USH2A: variants seen among roughly 807,000 people sequenced by gnomAD.
The protein encoded by USH2A is usherin.
In USH2A, 443 loss-of-function variants were observed where a neutral mutation model predicts 538.9. The ratio of observed to expected loss-of-function variants is 0.82; its 90% confidence interval spans 0.76 to 0.89. The LOEUF (loss-of-function observed/expected upper bound fraction) is 0.89. Ranked by LOEUF, USH2A falls within the 40% of genes least tolerant of loss-of-function variation. The pLI, the probability that USH2A is intolerant of heterozygous loss-of-function variation, is 0.00. For missense variants in USH2A, 6,633 were observed against 6,324.8 expected, an observed-to-expected ratio of 1.05 and a Z score of -1.65; for synonymous variants, 2,413 against 2,273.5, an observed-to-expected ratio of 1.06 and a Z score of -1.75.
At chr1:215,924,802 T>C (rs1290036239) in intron 38 of USH2A, among the ~76,000 whole-genome samples, 1 of 152,110 alleles carries the variant, frequency 6.6e-6, no homozygotes, top group Non-Finnish European at 1.5e-5. Flanking sequence ...AGTCTCTCTC[T>C]CTTGCCCCAG....
Position 216,251,066 on chromosome 1 carries a change from C to A in USH2A, c.2004G>T (p.Val668=). The A allele has an allele frequency of 6.2e-7, 1 of 1,614,052 alleles. No homozygotes were observed. Among genetic ancestry groups the A allele is most frequent in the South Asian group, 1.1e-5 (1 of 91,078 alleles). ...GGCACTGATTGCACTGCCTGCCAGA[C>A]ACGTGTCTCTTACAATTACACTGTC... ...IGGQCNCKRH[V]SGRQCNQCQN... is the part of the protein sequence containing the mutation. Residue 668 remains valine (V), a synonymous_variant, in exon 12 of 72, where the codon GTG becomes GTT. Coordinates refer to ENST00000307340, the MANE Select transcript of USH2A (RefSeq NM_206933.4).
intron 4 of USH2A, among the ~76,000 whole-genome samples, chr1:216,333,757 A>C (rs2037915396): frequency 6.6e-6 from 1 of 152,082 alleles, no homozygotes; most frequent in Non-Finnish European, 1.5e-5. Context: ...AATAAGATTA[A>C]CCACAGATTT....
At chr1:215,788,386 T>C (rs1215938256) in intron 51 of USH2A, among the ~76,000 whole-genome samples, 1 of 152,120 alleles carries the variant, frequency 6.6e-6, no homozygotes, top group East Asian at 1.9e-4. Context: ...TGTGCAATTG[T>C]CCCCTCTTGC....
At chr1:215,871,685 A>G (rs904560259) in intron 43 of USH2A, among the ~76,000 whole-genome samples, 1 of 152,242 alleles carries the variant, frequency 6.6e-6, no homozygotes, top group South Asian at 2.1e-4. Flanking sequence ...GCCATAATGT[A>G]TATAAAATTT....
intron 49 of USH2A, among the ~76,000 whole-genome samples, chr1:215,803,501 A>G (rs1462549351): frequency 6.6e-6 from 1 of 152,202 alleles, no homozygotes; most frequent in East Asian, 1.9e-4. Context: ...AGACAAGTAG[A>G]GAGCCAAATC....
intron 21 of USH2A, among the ~76,000 whole-genome samples, chr1:216,123,852 T>G (rs2033187187): frequency 6.6e-6 from 1 of 152,190 alleles, no homozygotes; most frequent in Admixed American, 6.5e-5. Flanking sequence ...TTTTTCCTGC[T>G]GTTAGGACAT....
chr1:216,054,965 GTCC>G (rs1176504501), intron 30 of USH2A, among the ~76,000 whole-genome samples: 3 of 152,152 alleles, frequency 2.0e-5, no homozygotes, highest in African/African-American at 7.2e-5. Context: ...AAAGTCAGGG[GTCC>G]CCTTGTAAGG....
chr1:215,811,106 A>T (rs145076644), intron 49 of USH2A, among the ~76,000 whole-genome samples: 3 of 152,344 alleles, frequency 2.0e-5, no homozygotes, highest in African/African-American at 7.2e-5. Flanking sequence ...AACCAATTCC[A>T]TCTTGCTTCT....
At chr1:215,958,900 G>A (rs1667133623) in intron 37 of USH2A, among the ~76,000 whole-genome samples, 2 of 152,002 alleles carry the variant, frequency 1.3e-5, no homozygotes, top group Admixed American at 1.3e-4. Context: ...AAAAACATAT[G>A]CAGCCAAAAC....
At chr1:215,811,312 C>T (rs1365327172) in intron 49 of USH2A, among the ~76,000 whole-genome samples, 1 of 152,148 alleles carries the variant, frequency 6.6e-6, no homozygotes, top group African/African-American at 2.4e-5. Flanking sequence ...CACCAGAGGC[C>T]ACATGATTCC....
intron 64 of USH2A, among the ~76,000 whole-genome samples, chr1:215,669,480 T>C (rs971271258): frequency 6.6e-6 from 1 of 152,240 alleles, no homozygotes; most frequent in Non-Finnish European, 1.5e-5. Context: ...TGAAATAGGA[T>C]AAAATGTATA....
Position 216,305,936 on chromosome 1 carries a change from C to T in USH2A, c.1645-13566G>A, listed in dbSNP as rs183053112. The stretch of plus-strand genomic sequence containing the variant: ...TACCTGATGCTTTTGCCTCACAGCT[C>T]TTAAGATTCCTTCCTTCATCTTGAC... On this transcript the variant is annotated intron_variant, in intron 9 of 71. Transcript: ENST00000307340. 5.9e-5 allele frequency among the ~76,000 whole-genome samples: 9 copies of T among 152,260 alleles called. No individual in the cohort carries two copies. The East Asian group carries it at 1.7e-3, about 29-fold the overall frequency.
intron 27 of USH2A, among the ~76,000 whole-genome samples, chr1:216,076,248 A>G (rs538024467): frequency 6.6e-6 from 1 of 152,282 alleles, no homozygotes; most frequent in African/African-American, 2.4e-5. Context: ...CCATACGTCA[A>G]TATTTTTTCA....
chr1:216,412,776 T>C (rs1259261079), intron 3 of USH2A, among the ~76,000 whole-genome samples: 1 of 151,860 alleles, frequency 6.6e-6, no homozygotes, highest in African/African-American at 2.4e-5. Flanking sequence ...CCCATGTTCA[T>C]GGCAAGTTAT....
intron 65 of USH2A, 75 bp from the exon 66 acceptor site, chr1:215,648,841 C>T (rs1270966547): frequency 5.7e-6 from 8 of 1,399,662 alleles, no homozygotes; most frequent in Non-Finnish European, 8.1e-6. Flanking sequence ...TCCAAGATCC[C>T]ACCTCCTACA....
At chr1:216,091,795 C>T (rs1287648032) in intron 22 of USH2A, among the ~76,000 whole-genome samples, 1 of 152,168 alleles carries the variant, frequency 6.6e-6, no homozygotes, top group Non-Finnish European at 1.5e-5. Context: ...AAATTCTCTT[C>T]ATAATTCAAA....
At chr1:215,824,348 G>A (rs922126405) in intron 47 of USH2A, among the ~76,000 whole-genome samples, 2 of 151,868 alleles carry the variant, frequency 1.3e-5, no homozygotes, top group African/African-American at 2.4e-5. Flanking sequence ...TAATTTTTCT[G>A]TTCATTTTCT....
chr1:215,793,627 C>G (rs72742732), intron 50 of USH2A, among the ~76,000 whole-genome samples: 35 of 152,146 alleles, frequency 2.3e-4, no homozygotes, highest in South Asian at 1.7e-3. Context: ...TTCAATGCCA[C>G]CCTTACACCA....
chr1:216,195,744 G>A (rs958819866), intron 19 of USH2A: 1 of 166,762 alleles, frequency 6.0e-6, no homozygotes, highest in Admixed American at 6.5e-5. Context: ...AATGCCCAGA[G>A]AAGAGCATCT....
Sources: allele counts gnomAD v4.1 joint callset (sites outside exome capture counted in the v4.1 genomes callset), GRCh38; gene constraint gnomAD v4.1.1; transcripts MANE v1.5; gene names NCBI Gene and HGNC (gene_info 2026-07-23, HGNC 2026-07-21).